The following KIF4A variants were observed in gnomAD, a reference collection of about 807,000 sequenced individuals.
KIF4A encodes chromosome-associated kinesin KIF4A.
A neutral mutation model predicts 105.9 loss-of-function variants in KIF4A; 7 were observed. The ratio of observed to expected loss-of-function variants is 0.07; its 90% CI spans 0.04 to 0.12. The LOEUF (loss-of-function observed/expected upper bound fraction) is 0.12. Among genes scored for constraint, KIF4A ranks in the 10% least tolerant of loss-of-function variants. The pLI is 1.00. For missense variants in KIF4A, 558 were observed against 929.2 expected, an observed-to-expected ratio of 0.60 and a Z score of 5.19; for synonymous variants, 281 against 331.3, an observed-to-expected ratio of 0.85 and a Z score of 1.65.
chrX:70,384,862 G>A (rs1261304409), intron 18 of KIF4A, among the ~76,000 whole-genome samples: 1 of 108,245 alleles, frequency 9.2e-6, no homozygotes, highest in Non-Finnish European at 1.9e-5. Flanking sequence ...TGTCATCCAG[G>A]CTGGAGTACA....
chrX:70,398,419 G>T (rs1480156820), intron 22 of KIF4A, among the ~76,000 whole-genome samples: 1 of 112,203 alleles, frequency 8.9e-6, no homozygotes, highest in Non-Finnish European at 1.9e-5. Flanking sequence ...TAAATGTAGG[G>T]CTGGTGCCAA....
In KIF4A at chrX:70,396,034, C is replaced by A; in HGVS notation, c.2474C>A (p.Thr825Asn). 8.4e-7 allele frequency: 1 copy of A among 1,192,035 alleles called. No individual in the cohort carries two copies. The highest frequency in any genetic ancestry group is 1.1e-6 in the Non-Finnish European group (1 of 879,576). ...ACAAAGCAGATTGAAAGCCTAGAGA[C>A]TGAAATGGAATTCAGGTAACAGGGA... ...SITKQIESLE[T>N]EMEFRSAQIA... The change falls in exon 22 of 31, where the codon ACT becomes AAT. Residue 825 changes from threonine to asparagine, a missense_variant. Thr to Asn is a moderately conservative substitution (Grantham distance 65). Around this residue, in one of 2 missense-constraint regions of KIF4A, gnomAD observed 469 missense variants for 680.4 expected, o/e 0.69. Transcript: ENST00000374403.
intron 10 of KIF4A, among the ~76,000 whole-genome samples, chrX:70,341,562 TTA>T (rs1378752073): frequency 1.8e-5 from 2 of 111,691 alleles, no homozygotes; most frequent in African/African-American, 3.3e-5. Context: ...TGGCTCTGAA[TTA>T]TTACCTTTCT....
rs747926225 is a variant in KIF4A, at chrX:70,408,436, T to C, written c.3255+1361T>C. ...TTTTCTTATACAATGATAGTCCTAC[T>C]CAAACCTAGATGTTTTATGTTGAAA... On this transcript the variant is annotated intron_variant, in intron 28 of 30. Transcript: ENST00000374403. Among the ~76,000 whole-genome samples the C allele has an allele frequency of 2.7e-5, 3 of 112,317 alleles. No homozygotes were observed. The East Asian group carries it at 8.3e-4, about 31-fold the overall frequency.
chrX:70,392,846 AATAATAATAATAATTATTATT>A (rs1156824368), intron 20 of KIF4A, among the ~76,000 whole-genome samples: 1 of 105,319 alleles, frequency 9.5e-6, no homozygotes, highest in Non-Finnish European at 1.9e-5. Flanking sequence ...TTATAATAAT[AATAATAATAATAATTATTATT>A]ATTATTATTT....
rs367907224 is a variant in KIF4A at position 70,347,848 on chromosome X, G to A, written c.1431+3866G>A. The stretch of plus-strand genomic sequence containing the variant: ...AAATTAGCCGGGCGTGGTAGCGGGC[G>A]CCTGTAGTCCCAGCTACTCGGGAGG... On this transcript the variant is annotated intron_variant, in intron 13 of 30. Coordinates refer to ENST00000374403, the MANE Select transcript of KIF4A (RefSeq NM_012310.5). Among the ~76,000 whole-genome samples, 636 of 96,230 alleles carry A rather than the reference G, an allele frequency of 6.6e-3. 11 individuals are homozygous for A. The highest frequency in any genetic ancestry group is 0.023 in the African/African-American group (605 of 26,013). 83.6% of individuals were successfully genotyped at this position (96,230 alleles called of 115,157 possible).
intron 22 of KIF4A, among the ~76,000 whole-genome samples, chrX:70,400,040 A>G (rs1222372017): frequency 9.7e-6 from 1 of 103,448 alleles, no homozygotes; most frequent in Non-Finnish European, 2.0e-5. Context: ...TTTTTATTAT[A>G]CTTTAAGTTT....
At position 70,368,356 on chromosome X, in the gene KIF4A, GT is replaced by G. The variant is rs752130301; in HGVS notation, c.1675-5789del. ...TTAGAATTTTCAGTTTTTCTGCTCT[GT>G]TTTTTCCCCACCTTTGTGGTTTTTA... On this transcript the variant is annotated intron_variant, in intron 15 of 30. Coordinates refer to ENST00000374403, the MANE Select transcript of KIF4A (RefSeq NM_012310.5). 4.5e-5 allele frequency among the ~76,000 whole-genome samples: 5 copies of G among 112,006 alleles called. No individual in the cohort carries two copies. The South Asian group carries it at 1.9e-3, about 42-fold the overall frequency.
At position 70,407,037 on chromosome X, in the gene KIF4A, A is replaced by T. The variant is rs773185477; in HGVS notation, c.3217A>T (p.Thr1073Ser). 1.9e-4 allele frequency: 224 copies of T among 1,202,350 alleles called. No individual in the cohort carries two copies. The highest frequency in any genetic ancestry group is 3.8e-4 in the South Asian group (21 of 55,816). Residue 1073 changes from threonine (T) to serine (S), a missense_variant, in exon 28 of 31, where the codon ACA (threonine) becomes TCA (serine). Thr to Ser is a moderately conservative substitution (Grantham distance 58). This residue lies in a region of KIF4A where 469 missense variants were observed against 680.4 expected (regional missense o/e 0.69). Coordinates refer to ENST00000374403, the MANE Select transcript of KIF4A (RefSeq NM_012310.5). ...DEGDDEEWKPTKLVKVSRKNI... is the reference protein window; with the variant it reads ...DEGDDEEWKPSKLVKVSRKNI... ...GGGGGATGACGAGGAATGGAAGCCA[A>T]CAAAATTAGTTAAGGTGTCCAGGAA...
chrX:70,303,774 TCA>T (rs952429487), intron 7 of KIF4A, among the ~76,000 whole-genome samples: 1 of 110,749 alleles, frequency 9.0e-6, no homozygotes, highest in Non-Finnish European at 1.9e-5. Flanking sequence ...TTTAGTATAT[TCA>T]CAGAGTTGTA....
rs967839799 is a variant in KIF4A, at chrX:70,330,077, C to A, written c.896-80C>A. ...CTTATAGCTCTGAATTTTAAGTCAC[C>A]AACCCGAATGGACGGCTTTGCTTAT... On this transcript the variant is annotated intron_variant, in intron 8 of 30. Transcript: ENST00000374403. 1.0e-4 allele frequency: 89 copies of A among 876,035 alleles called. 1 individual carries two copies. The highest frequency in any genetic ancestry group is 1.3e-4 in the Non-Finnish European group (85 of 639,288). The allele number at this position is 876,035 out of a possible 1,213,427, so 72.2% of individuals were successfully genotyped here.
chrX:70,321,286 A>T (rs1208619482), intron 7 of KIF4A, among the ~76,000 whole-genome samples: 1 of 112,091 alleles, frequency 8.9e-6, no homozygotes, highest in Non-Finnish European at 1.9e-5. Context: ...ACACAATCAA[A>T]CCATCTACAA....
At chrX:70,290,396 C>T (rs2085753763) in intron 1 of KIF4A, 42 bp from the exon 2 acceptor site, 8 of 1,175,663 alleles carry the variant, frequency 6.8e-6, no homozygotes, top group African/African-American at 1.8e-5. Flanking sequence ...CCCTGCTGAC[C>T]TACTAACATT....
chrX:70,355,983 T>C (rs1385106816), intron 15 of KIF4A, among the ~76,000 whole-genome samples: 9 of 112,240 alleles, frequency 8.0e-5, no homozygotes, highest in Non-Finnish European at 1.7e-4. Flanking sequence ...TCCCTTTTGT[T>C]ATCATGGTCT....
At chrX:70,418,534 C>G (rs1022334008) in intron 29 of KIF4A, among the ~76,000 whole-genome samples, 6 of 111,346 alleles carry the variant, frequency 5.4e-5, no homozygotes, top group African/African-American at 2.0e-4. Flanking sequence ...TGTTGTAAAC[C>G]AAGTTAACCT....
Position 70,387,470 on chromosome X carries a change from G to C in KIF4A, c.2232+173G>C, listed in dbSNP as rs760501149. On this transcript the variant is annotated intron_variant, in intron 20 of 30. Coordinates refer to ENST00000374403, the MANE Select transcript of KIF4A (RefSeq NM_012310.5). ...GTCTTTGAACTGTTGTTAAAGACCA[G>C]GAGTATAGAACTCTTTCTATCTTTG... is the stretch of plus-strand genomic sequence containing the variant. Among the ~76,000 whole-genome samples the C allele has an allele frequency of 8.1e-5, 9 of 111,693 alleles. No homozygotes were observed. The East Asian group carries it at 2.5e-3, about 31-fold the overall frequency.
Position 70,420,204 on chromosome X carries a change from C to G in KIF4A, c.3638C>G (p.Ala1213Gly). The part of the protein sequence containing the change: ...NKAPGKKKKR[A>G]LASNTSFFSG... ...GCTCCAGGGAAGAAAAAGAAACGGG[C>G]TCTGGCCAGCAACACCAGCTTCTTC... Residue 1213 changes from alanine to glycine, a missense_variant, in exon 31 of 31, where the codon GCT (alanine) becomes GGT (glycine). By Grantham distance (60) the Ala-to-Gly change is moderately conservative. Around this residue, in one of 2 missense-constraint regions of KIF4A, gnomAD observed 469 missense variants for 680.4 expected, o/e 0.69. Transcript: ENST00000374403. 8.3e-7 allele frequency: 1 copy of G among 1,210,989 alleles called. No individual in the cohort carries two copies. The highest frequency in any genetic ancestry group is 1.8e-5 in the South Asian group (1 of 56,822).
chrX:70,368,736 T>C (rs765343623), intron 15 of KIF4A, among the ~76,000 whole-genome samples: 33 of 111,927 alleles, frequency 2.9e-4, no homozygotes, highest in African/African-American at 8.5e-4. Flanking sequence ...TTCTCAGATC[T>C]TCAGCTGTGT....
intron 15 of KIF4A, among the ~76,000 whole-genome samples, chrX:70,360,949 C>T (rs189066110): frequency 4.4e-5 from 5 of 112,885 alleles, no homozygotes; most frequent in Non-Finnish European, 9.4e-5. Context: ...GGAATGTGCA[C>T]GTTGGAAGGG....
Sources: allele counts gnomAD v4.1 joint callset (sites outside exome capture counted in the v4.1 genomes callset), GRCh38; gene constraint gnomAD v4.1.1; regional missense constraint gnomAD v4.1.1; transcripts MANE v1.5; gene names NCBI Gene and HGNC (gene_info 2026-07-23, HGNC 2026-07-21).